Variants in MED13 observed in about 807,000 individuals in gnomAD.
MED13 encodes mediator complex subunit 13.
Under a neutral mutation model 225.2 loss-of-function variants are expected in MED13, and 23 were observed. The ratio of observed to expected loss-of-function variants is 0.10; its 90% CI spans 0.07 to 0.14. The LOEUF is 0.14. Ranked by LOEUF, MED13 falls within the 10% of genes least tolerant of loss-of-function variation. The pLI, the probability that MED13 is intolerant of heterozygous loss-of-function variation, is 1.00. For missense variants in MED13, 2,197 were observed against 2,594.5 expected (o/e 0.85, Z 3.33); for synonymous variants, 942 against 889.2 (o/e 1.06, Z -1.06).
At chr17:62,063,759 C>T (rs2081059905) in intron 1 of MED13, among the ~76,000 whole-genome samples, 1 of 152,144 alleles carries the variant, frequency 6.6e-6, no homozygotes, top group African/African-American at 2.4e-5. Context: ...CTGAAAAAAT[C>T]TATGTTAATT....
At chr17:61,962,120 T>C (rs2080006212) in intron 21 of MED13, among the ~76,000 whole-genome samples, 1 of 152,076 alleles carries the variant, frequency 6.6e-6, no homozygotes, top group Non-Finnish European at 1.5e-5. Context: ...ACCCTGTCTC[T>C]ACTAAAAACA....
Position 61,984,242 on chromosome 17 carries a change from G to A in MED13, c.2817C>T (p.Tyr939=), listed in dbSNP as rs1415057856. The A allele has an allele frequency of 6.2e-7, 1 of 1,610,764 alleles. No individual in the cohort carries two copies. Among genetic ancestry groups the A allele is most frequent in the Non-Finnish European group, 8.5e-7 (1 of 1,178,808 alleles). The change falls in exon 15 of 30, where the codon TAC becomes TAT. Residue 939 remains tyrosine, a synonymous_variant. Coordinates refer to ENST00000397786, the MANE Select transcript of MED13 (RefSeq NM_005121.3). ...ATTTTCCAACAGTCCAACTCTGACG[G>A]TAAATACACTCTTCTGGCAATTTGA... ...PPIKLPEECI[Y]RQSWTVGKLE... is the part of the protein sequence containing the mutation.
At chr17:62,037,898 GTGGGTTGAGATCTTGCCAC>G (rs2080818384) in intron 3 of MED13, among the ~76,000 whole-genome samples, 1 of 136,192 alleles carries the variant, frequency 7.3e-6, no homozygotes, top group African/African-American at 2.6e-5. Context: ...AGAGATTGCA[GTGGGTTGAGATCTTGCCAC>G]TGCACTTCAG....
intron 3 of MED13, among the ~76,000 whole-genome samples, chr17:62,041,400 C>A (rs538763053): frequency 0.036 from 8 of 222 alleles, no homozygotes; most frequent in East Asian, 0.25. Context: ...AATTGAAGAG[C>A]TGCCACTCAT....
At chr17:62,033,189 AT>A (rs1391000341) in intron 5 of MED13, among the ~76,000 whole-genome samples, 1 of 152,068 alleles carries the variant, frequency 6.6e-6, no homozygotes, top group African/African-American at 2.4e-5. Flanking sequence ...TAATAAAAAA[AT>A]ATAAAAAAAT....
intron 9 of MED13, chr17:62,003,623 C>CAAAAAAAAAAAAAAAAAAAAAAAAAAA (rs1335956503): frequency 1.2e-5 from 1 of 86,078 alleles, no homozygotes; most frequent in African/African-American, 5.2e-5. Context: ...AAAAAAAAAG[C>CAAAAAAAAAAAAAAAAAAAAAAAAAAA]AAAAAGTGAA....
chr17:62,050,610 A>G (rs920132930), intron 3 of MED13, among the ~76,000 whole-genome samples: 13 of 152,226 alleles, frequency 8.5e-5, no homozygotes, highest in Admixed American at 3.3e-4. Context: ...AAGAATTAAA[A>G]AGGGCTGCTT....
At chr17:62,013,926 C>G (rs2080535851) in intron 8 of MED13, among the ~76,000 whole-genome samples, 1 of 152,032 alleles carries the variant, frequency 6.6e-6, no homozygotes. Flanking sequence ...GTAATCCCAG[C>G]TACTCAGGAG....
chr17:62,021,443 C>T (rs527724193), intron 8 of MED13, among the ~76,000 whole-genome samples: 5 of 140,696 alleles, frequency 3.6e-5, no homozygotes, highest in South Asian at 2.3e-4. Flanking sequence ...CCCTCCCGGA[C>T]GGGGCGGCTG....
chr17:61,985,749 C>G (rs796817939), intron 12 of MED13, among the ~76,000 whole-genome samples: 6 of 152,284 alleles, frequency 3.9e-5, no homozygotes, highest in African/African-American at 1.4e-4. Flanking sequence ...GTAAAAGATA[C>G]TTGCAGAGAA....
At chr17:62,018,638 A>G (rs997559148) in intron 8 of MED13, among the ~76,000 whole-genome samples, 1 of 151,904 alleles carries the variant, frequency 6.6e-6, no homozygotes, top group African/African-American at 2.4e-5. Context: ...CGCTCGAGCC[A>G]GGGAGGGGCA....
At chr17:61,963,742 A>G (rs2080028294) in intron 20 of MED13, among the ~76,000 whole-genome samples, 1 of 152,128 alleles carries the variant, frequency 6.6e-6, no homozygotes, top group South Asian at 2.1e-4. Flanking sequence ...CAATCTCGAT[A>G]ATGGTTTGTT....
intron 3 of MED13, 81 bp downstream of exon 3, chr17:62,052,456 T>A (rs1006244232): frequency 9.3e-7 from 1 of 1,078,954 alleles, no homozygotes; most frequent in Non-Finnish European, 1.3e-6. Flanking sequence ...TATATTAGCT[T>A]GTTTTATCCC....
chr17:61,996,120 T>G (rs942309501), intron 9 of MED13, among the ~76,000 whole-genome samples: 18 of 152,124 alleles, frequency 1.2e-4, no homozygotes, highest in Admixed American at 5.9e-4. Context: ...TAGTGGAAAC[T>G]GACAGACCAC....
chr17:62,061,048 C>T (rs7222729), intron 2 of MED13, among the ~76,000 whole-genome samples: 3 of 152,066 alleles, frequency 2.0e-5, no homozygotes, highest in Non-Finnish European at 4.4e-5. Context: ...TTGAAAATTA[C>T]GCTAAAAATC....
rs938871872 is a variant in MED13, at chr17:61,946,176, G to T, written c.*292C>A. The T allele has an allele frequency of 3.7e-6, 1 of 271,780 alleles. No individual in the cohort carries two copies. Among genetic ancestry groups the T allele is most frequent in the Non-Finnish European group, 7.0e-6 (1 of 141,896 alleles). The allele number at this position is 271,780 out of a possible 1,614,324, so 16.8% of individuals were successfully genotyped here. A position where few individuals can be genotyped will look rare whatever the true frequency, so the allele number is the denominator to read the frequency against. On this transcript the variant is annotated 3_prime_UTR_variant, in exon 30 of 30. Coordinates refer to ENST00000397786, the MANE Select transcript of MED13 (RefSeq NM_005121.3). ...TCATTTAACATGACTGGGTACTATG[G>T]CTCATTACTTTTCACAAATACTGTG... is the stretch of plus-strand genomic sequence containing the variant.
At chr17:62,013,283 A>G (rs530560821) in intron 8 of MED13, among the ~76,000 whole-genome samples, 2 of 152,358 alleles carry the variant, frequency 1.3e-5, no homozygotes, top group East Asian at 3.9e-4. Flanking sequence ...ACAGATGTAA[A>G]TAATTAACAA....
At position 62,052,653 on chromosome 17, in the gene MED13, C is replaced by G. The variant is rs78565795; in HGVS notation, c.354G>C (p.Leu118=). 19,821 of 1,601,064 alleles carry G rather than the reference C, an allele frequency of 0.012. 170 individuals are homozygous for G. Among genetic ancestry groups the G allele is most frequent in the South Asian group, 0.02 (1,722 of 88,056 alleles). ...ENGLSYECRT[L]LFKAVHNLLE... is the part of the protein sequence containing the mutation. The stretch of plus-strand genomic sequence containing the variant: ...ATAGATTGTGAACTGCTTTGAAAAG[C>G]AGAGTACGGCATTCATAGGAAAGTC... The change falls in exon 3 of 30, where the codon CTG becomes CTC. Residue 118 remains leucine (L), a synonymous_variant. Coordinates refer to ENST00000397786, the MANE Select transcript of MED13 (RefSeq NM_005121.3).
At chr17:61,952,124 AC>A (rs2079901899) in intron 27 of MED13, among the ~76,000 whole-genome samples, 1 of 151,962 alleles carries the variant, frequency 6.6e-6, no homozygotes, top group African/African-American at 2.4e-5. Flanking sequence ...CAATCTCCTG[AC>A]CTCGTGATCC....
Sources: gnomAD v4.1 joint callset for allele counts (sites outside exome capture counted in the v4.1 genomes callset) on GRCh38, gnomAD v4.1.1 for gene constraint, MANE v1.5 for transcripts, NCBI Gene and HGNC (gene_info 2026-07-23, HGNC 2026-07-21) for gene names.